Variants in NKD2 observed in about 807,000 individuals in gnomAD.
NKD2 encodes protein naked cuticle homolog 2.
Under a neutral mutation model 34.8 loss-of-function variants are expected in NKD2, and 43 were observed. The ratio of observed to expected loss-of-function variants is 1.24; its 90% CI spans 0.97 to 1.60. The LOEUF (loss-of-function observed/expected upper bound fraction) is 1.60, where lower values mean the gene tolerates loss of function less well. Ranked by LOEUF, NKD2 falls within the 40% of genes most tolerant of loss-of-function variation. The pLI is 0.00. For missense variants in NKD2, 675 were observed against 627.1 expected (o/e 1.08, Z -0.82); for synonymous variants, 278 against 265.1 (o/e 1.05, Z -0.47).
intron 3 of NKD2, among the ~76,000 whole-genome samples, chr5:1,010,783 G>T (rs577835841): frequency 5.9e-5 from 9 of 152,212 alleles, no homozygotes; most frequent in African/African-American, 2.2e-4. Flanking sequence ...GGTATGATTA[G>T]TCAGTGATGT....
chr5:1,012,568 C>T (rs868308512), intron 3 of NKD2, among the ~76,000 whole-genome samples: 1 of 152,256 alleles, frequency 6.6e-6, no homozygotes, highest in African/African-American at 2.4e-5. Flanking sequence ...GGCTGAGCTC[C>T]AGGCCAGGGC....
rs753554250 is a variant in NKD2, at chr5:1,032,232, C to T, written c.202+20C>T. The T allele has an allele frequency of 2.5e-6, 4 of 1,590,974 alleles. No individual in the cohort carries two copies. The South Asian group carries it at 4.4e-5, about 18-fold the overall frequency. On this transcript the variant is annotated intron_variant, in intron 4 of 9. Transcript: ENST00000296849. ...TACAGGGTGAGTGCAGCTCCCGCAG[C>T]CCTCCCTCCCCAAACTCACAGACTT... is the stretch of plus-strand genomic sequence containing the variant.
intron 3 of NKD2, among the ~76,000 whole-genome samples, chr5:1,012,833 TG>T (rs1262475684): frequency 6.6e-6 from 1 of 152,196 alleles, no homozygotes; most frequent in Non-Finnish European, 1.5e-5. Flanking sequence ...CTGTCCTCTG[TG>T]GGTCCAGAGA....
intron 7 of NKD2, 97 bp from the exon 8 acceptor site, chr5:1,035,284 TAATGAATG>T (rs70957314): frequency 5.6e-5 from 42 of 745,206 alleles, no homozygotes; most frequent in Non-Finnish European, 8.9e-5. Flanking sequence ...ACCAGTGAGT[TAATGAATG>T]AATGAATGAG....
intron 3 of NKD2, among the ~76,000 whole-genome samples, chr5:1,014,875 C>T (rs549723559): frequency 3.3e-5 from 5 of 152,236 alleles, no homozygotes; most frequent in African/African-American, 1.2e-4. Context: ...GTGGCCCCCT[C>T]GCCAGCACCA....
At chr5:1,034,367 T>C (rs368767963) in intron 6 of NKD2, 37 bp downstream of exon 6, 2 of 1,519,492 alleles carry the variant, frequency 1.3e-6, no homozygotes, top group Non-Finnish European at 1.8e-6. Flanking sequence ...TCCACAGTAG[T>C]AGACAGACGG....
intron 3 of NKD2, among the ~76,000 whole-genome samples, chr5:1,021,291 G>A (rs925269595): frequency 2.0e-5 from 3 of 151,558 alleles, no homozygotes; most frequent in Non-Finnish European, 2.9e-5. Context: ...TGGGAAGCCC[G>A]GCTCCCCTGC....
At chr5:1,034,609 G>A in intron 6 of NKD2, 147 bp from the exon 7 acceptor site, 1 of 904,528 alleles carries the variant, frequency 1.1e-6, no homozygotes, top group Non-Finnish European at 1.7e-6. Context: ...GCTGCTCCGA[G>A]AAGATGCCTG....
rs1351457729 is a variant in NKD2, at chr5:1,038,565, G to T, written c.*192G>T. The T allele has an allele frequency of 2.6e-6, 3 of 1,169,338 alleles. No homozygotes were observed. In the East Asian group the frequency reaches 7.7e-5, roughly 30 times the overall value. 72.4% of individuals were successfully genotyped at this position (1,169,338 alleles called of 1,614,324 possible). On this transcript the variant is annotated 3_prime_UTR_variant, in exon 10 of 10. Transcript: ENST00000296849. This position sits in a 1 kb window ranked among gnomAD's most constrained non-coding sequence, Gnocchi z 4.5. ...ACCTTGGACACGTGGACAAGGCCCA[G>T]GCGCCCTCTGCTCTTCTGCCCTCGA...
At chr5:1,032,072 C>T (rs760548577) in intron 3 of NKD2, 80 bp from the exon 4 acceptor site, 6 of 1,173,754 alleles carry the variant, frequency 5.1e-6, no homozygotes, top group Middle Eastern at 2.1e-4. Context: ...GGCTCCAGTC[C>T]AGCCGCCCAG....
At chr5:1,011,948 G>A (rs971052672) in intron 3 of NKD2, among the ~76,000 whole-genome samples, 1 of 152,226 alleles carries the variant, frequency 6.6e-6, no homozygotes, top group African/African-American at 2.4e-5. Context: ...CACTGGTGAC[G>A]GTGCCGTGAA....
At chr5:1,012,950 G>A (rs1443057391) in intron 3 of NKD2, among the ~76,000 whole-genome samples, 7 of 152,212 alleles carry the variant, frequency 4.6e-5, no homozygotes, top group South Asian at 2.1e-4. Flanking sequence ...GGACGCTACC[G>A]CATCAACACA....
chr5:1,032,783 G>T (rs770431020), intron 4 of NKD2, among the ~76,000 whole-genome samples: 1 of 152,252 alleles, frequency 6.6e-6, no homozygotes, highest in Admixed American at 6.5e-5. Flanking sequence ...TCCCAGCTCA[G>T]GCTCGACGTG....
rs375954930 is a variant in NKD2, at chr5:1,017,322, A to G, written c.141+7762A>G. On this transcript the variant is annotated intron_variant, in intron 3 of 9. Coordinates refer to ENST00000296849, the MANE Select transcript of NKD2 (RefSeq NM_033120.4). The stretch of plus-strand genomic sequence containing the variant: ...AGGTGCACCCAGCTCAACTGTCCCG[A>G]GGGCGTGCCAGGCCAGTGGCCAGGT... 4.1e-4 allele frequency among the ~76,000 whole-genome samples: 63 copies of G among 152,266 alleles called. 1 individual carries two copies. Among genetic ancestry groups the G allele is most frequent in the African/African-American group, 1.3e-3 (56 of 41,556 alleles).
Position 1,009,400 on chromosome 5 carries a change from G to C in NKD2, c.62-81G>C. On this transcript the variant is annotated intron_variant, in intron 2 of 9. Transcript: ENST00000296849. This position sits in a 1 kb window ranked among gnomAD's most constrained non-coding sequence, Gnocchi z 6.9. ...CTCCAGGCGATGGGGACACAGCGAAGGCGCAGCGCCCGCGGGGCTCACGGC... is the reference window on the plus strand; with the variant it reads ...CTCCAGGCGATGGGGACACAGCGAACGCGCAGCGCCCGCGGGGCTCACGGC... The C allele has an allele frequency of 8.1e-7, 1 of 1,241,946 alleles. No individual in the cohort carries two copies. Among genetic ancestry groups the C allele is most frequent in the Non-Finnish European group, 1.1e-6 (1 of 911,954 alleles). The allele number at this position is 1,241,946 out of a possible 1,614,324, so 76.9% of individuals were successfully genotyped here. A position where few individuals can be genotyped will look rare whatever the true frequency, so the allele number is the denominator to read the frequency against.
intron 3 of NKD2, among the ~76,000 whole-genome samples, chr5:1,013,598 A>G (rs941194871): frequency 1.2e-4 from 18 of 152,230 alleles, no homozygotes; most frequent in African/African-American, 3.9e-4. Context: ...TTTCTGTGCC[A>G]GCCTGGGCCT....
intron 3 of NKD2, among the ~76,000 whole-genome samples, chr5:1,026,672 G>A (rs1159945598): frequency 6.6e-6 from 1 of 152,354 alleles, no homozygotes; most frequent in African/African-American, 2.4e-5. Context: ...TTCCTGAGAG[G>A]CCCAGCTCCA....
Position 1,009,452 on chromosome 5 carries a change from T to G in NKD2, c.62-29T>G. 6.7e-7 allele frequency: 1 copy of G among 1,486,304 alleles called. No homozygotes were observed. Among genetic ancestry groups the G allele is most frequent in the Admixed American group, 2.2e-5 (1 of 45,618 alleles). 92.1% of individuals were successfully genotyped at this position (1,486,304 alleles called of 1,614,324 possible). ...CGTCTCTTTCCCTCCTCGGTGCGGG[T>G]TTCCCGCGCGTCCGCCCCCGGACCG... On this transcript the variant is annotated intron_variant, in intron 2 of 9. Transcript: ENST00000296849. The surrounding 1 kb of genome is among the most constrained non-coding windows in gnomAD (Gnocchi z 6.9).
chr5:1,009,861 T>TGGGA lies in NKD2; in HGVS notation c.141+305_141+308dup, dbSNP rs1755682170. On this transcript the variant is annotated intron_variant, in intron 3 of 9. Transcript: ENST00000296849. This position sits in a 1 kb window ranked among gnomAD's most constrained non-coding sequence, Gnocchi z 6.9. ...TTTCGGGCTGGAGGAGCTGGGCGAGTGGGAGGGGCTGGACCTAGACGTCCC... is the reference window on the plus strand; with the variant it reads ...TTTCGGGCTGGAGGAGCTGGGCGAGTGGGAGGGAGGGGCTGGACCTAGACGTCCC... 6.8e-6 allele frequency among the ~76,000 whole-genome samples: 1 copy of TGGGA among 147,630 alleles called. No homozygotes were observed. The highest frequency in any genetic ancestry group is 1.5e-5 in the Non-Finnish European group (1 of 66,888).
Sources: allele counts gnomAD v4.1 joint callset (sites outside exome capture counted in the v4.1 genomes callset), GRCh38; gene constraint gnomAD v4.1.1; non-coding constraint Gnocchi (gnomAD v3.1); transcripts MANE v1.5; gene names NCBI Gene and HGNC (gene_info 2026-07-23, HGNC 2026-07-21).